The following PRDM16 variants were observed in gnomAD, a reference collection of about 807,000 sequenced individuals.
PRDM16 encodes the protein PR/SET domain 16.
In PRDM16, 23 loss-of-function variants were observed where a neutral mutation model predicts 110.6. That is an observed-to-expected ratio of 0.21 (90% confidence interval 0.15 to 0.29). The LOEUF is 0.29. Ranked by LOEUF, PRDM16 falls within the 10% of genes least tolerant of loss-of-function variation. PRDM16 has a pLI of 1.00. For missense variants in PRDM16, 1,615 were observed against 1,794.3 expected (o/e 0.90, Z 1.81); for synonymous variants, 799 against 781.8 (o/e 1.02, Z -0.37).
chr1:3,090,099 C>G (rs1289482803), intron 1 of PRDM16, among the ~76,000 whole-genome samples: 1 of 152,216 alleles, frequency 6.6e-6, no homozygotes, highest in Non-Finnish European at 1.5e-5. Flanking sequence ...AAACAAACCC[C>G]CCAGCCAGGA....
chr1:3,086,363 A>G (rs1405224957), intron 1 of PRDM16, among the ~76,000 whole-genome samples: 1 of 152,112 alleles, frequency 6.6e-6, no homozygotes, highest in Non-Finnish European at 1.5e-5. Context: ...TGCCCCCGTC[A>G]AGTGATGCAG....
At chr1:3,150,325 T>C (rs1305077205) in intron 1 of PRDM16, among the ~76,000 whole-genome samples, 4 of 151,064 alleles carry the variant, frequency 2.6e-5, no homozygotes, top group African/African-American at 9.8e-5. Context: ...GGAGGCTAAG[T>C]TGGGCAGGTG....
chr1:3,278,350 C>G (rs1287178105), intron 3 of PRDM16, among the ~76,000 whole-genome samples: 1 of 152,216 alleles, frequency 6.6e-6, no homozygotes, highest in Non-Finnish European at 1.5e-5. Flanking sequence ...ACACCTAGGC[C>G]TAATACTGTC....
chr1:3,310,997 A>ATG lies in PRDM16; in HGVS notation c.438+66875_438+66876dup, dbSNP rs374070181. On this transcript the variant is annotated intron_variant, in intron 3 of 16. Coordinates refer to ENST00000270722, the MANE Select transcript of PRDM16 (RefSeq NM_022114.4). ...CATGTGTGTGCGTGTGTGCGTGCGT[A>ATG]TGTGTGTGTGTGTGTGAGCGCCAGC... Among the ~76,000 whole-genome samples the ATG allele has an allele frequency of 3.5e-4, 53 of 150,316 alleles. 1 individual carries two copies. The highest frequency in any genetic ancestry group is 2.1e-3 in the South Asian group (10 of 4,752).
chr1:3,325,918 CCCTCCTCGGCCCTCTT>C (rs1641881173), intron 3 of PRDM16, among the ~76,000 whole-genome samples: 2 of 103,494 alleles, frequency 1.9e-5, no homozygotes, highest in Non-Finnish European at 4.0e-5. Flanking sequence ...CCCTCCTTGG[CCCTCCTCGGCCCTCTT>C]GGCCCTCCTT....
At chr1:3,196,446 G>T (rs1282703225) in intron 2 of PRDM16, among the ~76,000 whole-genome samples, 1 of 152,252 alleles carries the variant, frequency 6.6e-6, no homozygotes, top group South Asian at 2.1e-4. Context: ...TTGAAAGCAG[G>T]TCCCAAATGT....
chr1:3,387,289 A>G (rs1569645201), intron 4 of PRDM16, among the ~76,000 whole-genome samples: 1 of 152,050 alleles, frequency 6.6e-6, no homozygotes, highest in East Asian at 1.9e-4. Context: ...CTCCTCAGAT[A>G]CCTCCTGACC....
Position 3,377,366 on chromosome 1 carries a change from A to G in PRDM16, c.439-7786A>G, listed in dbSNP as rs1569612169. 2.0e-5 allele frequency among the ~76,000 whole-genome samples: 3 copies of G among 152,228 alleles called. No individual in the cohort carries two copies. In the South Asian group the frequency reaches 6.2e-4, roughly 31 times the overall value. On this transcript the variant is annotated intron_variant, in intron 3 of 16. Coordinates refer to ENST00000270722, the MANE Select transcript of PRDM16 (RefSeq NM_022114.4). ...TGCTGCGGCGTTCCCACCTGCACGC[A>G]CACCCTGGACGGGGCCGGCGGCTGG...
chr1:3,278,716 A>C (rs1012227469), intron 3 of PRDM16, among the ~76,000 whole-genome samples: 1 of 152,168 alleles, frequency 6.6e-6, no homozygotes, highest in African/African-American at 2.4e-5. Flanking sequence ...GGACCCTTAG[A>C]AAACTGGCCA....
intron 2 of PRDM16, among the ~76,000 whole-genome samples, chr1:3,188,845 G>A (rs1478397649): frequency 6.6e-6 from 1 of 152,170 alleles, no homozygotes; most frequent in Admixed American, 6.5e-5. Flanking sequence ...AGCAGGGGGC[G>A]GGAATTAAGT....
chr1:3,146,930 A>G (rs1277043911), intron 1 of PRDM16, among the ~76,000 whole-genome samples: 2 of 46,752 alleles, frequency 4.3e-5, no homozygotes, highest in East Asian at 8.1e-4. Flanking sequence ...GTGTGTGTGC[A>G]CGTGTGTGCT....
chr1:3,313,093 AC>A (rs769241162), intron 3 of PRDM16, among the ~76,000 whole-genome samples: 3 of 152,178 alleles, frequency 2.0e-5, no homozygotes, highest in African/African-American at 4.8e-5. Flanking sequence ...TCCCAAGGGC[AC>A]CCGCAGACAC....
At chr1:3,397,707 G>A (rs1392128275) in intron 5 of PRDM16, among the ~76,000 whole-genome samples, 1 of 152,328 alleles carries the variant, frequency 6.6e-6, no homozygotes, top group Admixed American at 6.5e-5. Context: ...TTTCCTCCTC[G>A]CTTCTTGGAC....
chr1:3,302,695 C>T (rs1467244332), intron 3 of PRDM16, among the ~76,000 whole-genome samples: 1 of 152,204 alleles, frequency 6.6e-6, no homozygotes, highest in African/African-American at 2.4e-5. Context: ...CACTTTAGCA[C>T]TGTGCGTGGG....
intron 3 of PRDM16, among the ~76,000 whole-genome samples, chr1:3,341,983 A>G (rs1294947132): frequency 6.6e-6 from 1 of 152,242 alleles, no homozygotes; most frequent in Non-Finnish European, 1.5e-5. Flanking sequence ...CAAGTTGAAA[A>G]GCACCTGTCC....
At chr1:3,122,733 T>C (rs1355065669) in intron 1 of PRDM16, among the ~76,000 whole-genome samples, 2 of 150,776 alleles carry the variant, frequency 1.3e-5, no homozygotes, top group East Asian at 3.9e-4. Context: ...AAATTTAGGG[T>C]TTCACTAACT....
intron 1 of PRDM16, among the ~76,000 whole-genome samples, chr1:3,173,961 G>A (rs945934301): frequency 1.1e-4 from 16 of 152,194 alleles, no homozygotes; most frequent in Admixed American, 7.9e-4. Flanking sequence ...GCTATGGCCC[G>A]TGCTATGGTC....
chr1:3,363,748 G>A (rs567569386), intron 3 of PRDM16, among the ~76,000 whole-genome samples: 74 of 152,224 alleles, frequency 4.9e-4, no homozygotes, highest in Non-Finnish European at 7.9e-4. Flanking sequence ...CAGCCACCCA[G>A]GAGGAAAAAC....
chr1:3,244,197 G>A lies in PRDM16; in HGVS notation c.438+60G>A. The A allele has an allele frequency of 6.7e-7, 1 of 1,491,118 alleles. No individual in the cohort carries two copies. Among genetic ancestry groups the A allele is most frequent in the Non-Finnish European group, 9.3e-7 (1 of 1,071,136 alleles). 92.4% of individuals were successfully genotyped at this position (1,491,118 alleles called of 1,614,324 possible). A position where few individuals can be genotyped will look rare whatever the true frequency, so the allele number is the denominator to read the frequency against. On this transcript the variant is annotated intron_variant, in intron 3 of 16. Coordinates refer to ENST00000270722, the MANE Select transcript of PRDM16 (RefSeq NM_022114.4). This position sits in a 1 kb window ranked among gnomAD's most constrained non-coding sequence, Gnocchi z 4.1. ...CAGCGTCCTCGGAGCTCCTGGCGGG[G>A]CGACCGCCATCCCAGCTGTCCCTGA...
Sources: allele counts gnomAD v4.1 joint callset (sites outside exome capture counted in the v4.1 genomes callset), GRCh38; gene constraint gnomAD v4.1.1; non-coding constraint Gnocchi (gnomAD v3.1); transcripts MANE v1.5; gene names NCBI Gene and HGNC (gene_info 2026-07-23, HGNC 2026-07-21).